The following PCDH11X variants were observed in gnomAD, a reference collection of about 807,000 sequenced individuals.
PCDH11X encodes the protein protocadherin-11 X-linked.
PCDH11X carries 18 observed loss-of-function variants against 53.3 expected under a neutral mutation model. That is an observed-to-expected ratio of 0.34 (90% CI 0.23 to 0.50). The LOEUF is 0.50. PCDH11X is among the 20% of genes least tolerant of loss of function. The probability of loss-of-function intolerance (pLI) is 0.98; values close to 1 mark genes in which losing one functional copy is unlikely to be tolerated. For missense variants in PCDH11X, 570 were observed against 1,032.4 expected (o/e 0.55, Z 6.14); for synonymous variants, 279 against 393.3 (o/e 0.71, Z 3.44).
chrX:92,581,338 A>G (rs1410448643), intron 10 of PCDH11X, among the ~76,000 whole-genome samples: 3 of 111,311 alleles, frequency 2.7e-5, no homozygotes, highest in Non-Finnish European at 5.7e-5. Flanking sequence ...AGCTCCCATA[A>G]TTCCCACATG....
At chrX:92,260,764 A>G (rs745569837) in intron 7 of PCDH11X, among the ~76,000 whole-genome samples, 57 of 111,674 alleles carry the variant, frequency 5.1e-4, no homozygotes, top group African/African-American at 1.8e-3. Context: ...GTCAATCTAG[A>G]AATTTAGATG....
chrX:92,213,123 A>G (rs142626528), intron 7 of PCDH11X, among the ~76,000 whole-genome samples: 1 of 112,050 alleles, frequency 8.9e-6, no homozygotes, highest in Non-Finnish European at 1.9e-5. Context: ...AAGACTAAAT[A>G]TAAAAAAATC....
At chrX:92,525,638 A>AG (rs1156626477) in intron 10 of PCDH11X, among the ~76,000 whole-genome samples, 4 of 107,522 alleles carry the variant, frequency 3.7e-5, no homozygotes, top group Admixed American at 1.0e-4. Flanking sequence ...TCTCAAAAAA[A>AG]AAAAAAAAAA....
rs193127138 is a variant in PCDH11X, at chrX:92,618,249, T to A, written c.3368-15T>A. The A allele has an allele frequency of 1.8e-4, 217 of 1,182,780 alleles. No homozygotes were observed. In the African/African-American group the frequency reaches 3.1e-3, roughly 17 times the overall value. On this transcript the variant is annotated splice_polypyrimidine_tract_variant and intron_variant, in intron 10 of 10. Transcript: ENST00000682573. The stretch of plus-strand genomic sequence containing the variant: ...TGAAATATAAATTTTATTATTTTTT[T>A]CCTCACCCCAACAGCTGCAGAAATA...
chrX:91,970,226 AGAACAAAGCTTCCACCACGT>A (rs1205012853), intron 6 of PCDH11X, among the ~76,000 whole-genome samples: 1 of 111,369 alleles, frequency 9.0e-6, no homozygotes, highest in Non-Finnish European at 1.9e-5. Context: ...ACAGAGTGAA[AGAACAAAGCTTCCACCACGT>A]GGAAGGGGAC....
intron 6 of PCDH11X, among the ~76,000 whole-genome samples, chrX:92,003,524 C>CT (rs1393581239): frequency 1.1e-4 from 9 of 84,375 alleles, no homozygotes; most frequent in East Asian, 4.0e-4. Flanking sequence ...TTTTTTTTTT[C>CT]TTTTTTTTTG....
At chrX:92,559,113 C>T (rs1360599329) in intron 10 of PCDH11X, among the ~76,000 whole-genome samples, 1 of 110,931 alleles carries the variant, frequency 9.0e-6, no homozygotes, top group Non-Finnish European at 1.9e-5. Flanking sequence ...TGTGGGAAGA[C>T]ATTTGGGTAT....
At chrX:92,393,402 A>G (rs1318013968) in intron 9 of PCDH11X, among the ~76,000 whole-genome samples, 1 of 109,899 alleles carries the variant, frequency 9.1e-6, no homozygotes, top group Non-Finnish European at 1.9e-5. Context: ...ATCAATCAAT[A>G]TTTCTAAGGA....
rs767217842 is a variant in PCDH11X at position 92,359,097 on chromosome X, T to G, written c.3145-28638T>G. On this transcript the variant is annotated intron_variant, in intron 8 of 10. Transcript: ENST00000682573. ...ATTTTTTCATCTAATTTCATTTATG[T>G]TTTTTTTTGTGCCAAACTGCCTTTT... Among the ~76,000 whole-genome samples the G allele has an allele frequency of 6.0e-4, 64 of 106,510 alleles. No homozygotes were observed. In the South Asian group the frequency reaches 0.011, roughly 18 times the overall value. The allele number at this position is 106,510 out of a possible 115,157, so 92.5% of individuals were successfully genotyped here.
chrX:92,113,605 T>A (rs1324780228), intron 6 of PCDH11X: 1 of 1,194,570 alleles, frequency 8.4e-7, no homozygotes, highest in African/African-American at 1.9e-5. Flanking sequence ...GGTGAGCCAG[T>A]CCACCTTCCT....
In PCDH11X at chrX:92,622,231, C is replaced by T. The variant is rs781672390; in HGVS notation, c.*3291C>T. 1.5e-3 allele frequency: 152 copies of T among 102,058 alleles called. 2 individuals are homozygous for T. Among genetic ancestry groups the T allele is most frequent in the African/African-American group, 5.3e-3 (148 of 28,088 alleles). 8.4% of individuals were successfully genotyped at this position (102,058 alleles called of 1,213,427 possible). A position where few individuals can be genotyped will look rare whatever the true frequency, so the allele number is the denominator to read the frequency against. ...GCAGTTACAAAGAGCCTCTGCCTTC[C>T]CAAACTAATATTTATCACACATGGT... On this transcript the variant is annotated 3_prime_UTR_variant, in exon 11 of 11. Transcript: ENST00000682573.
intron 8 of PCDH11X, among the ~76,000 whole-genome samples, chrX:92,278,049 G>A: frequency 9.0e-6 from 1 of 110,883 alleles, no homozygotes; most frequent in East Asian, 2.8e-4. Flanking sequence ...GACCAGCGCT[G>A]GAGTTTTGGG....
At chrX:92,469,488 G>A (rs370805161) in intron 10 of PCDH11X, among the ~76,000 whole-genome samples, 1 of 111,440 alleles carries the variant, frequency 9.0e-6, no homozygotes, top group East Asian at 2.8e-4. Flanking sequence ...GATTTCCTGA[G>A]GAGTTTCCCC....
At chrX:92,462,127 T>C (rs1373030795) in intron 9 of PCDH11X, among the ~76,000 whole-genome samples, 4 of 112,114 alleles carry the variant, frequency 3.6e-5, no homozygotes, top group Non-Finnish European at 7.5e-5. Flanking sequence ...ACTTCAATTA[T>C]ATTCTCTCTC....
At chrX:91,981,002 A>AATATATATATACACACTGAAT (rs2062124287) in intron 6 of PCDH11X, among the ~76,000 whole-genome samples, 1 of 98,297 alleles carries the variant, frequency 1.0e-5, no homozygotes, top group African/African-American at 3.7e-5. Flanking sequence ...ATATACACTG[A>AATATATATATACACACTGAAT]ATATATATAT....
intron 6 of PCDH11X, among the ~76,000 whole-genome samples, chrX:91,943,286 G>A (rs1014589649): frequency 8.4e-5 from 9 of 106,798 alleles, no homozygotes; most frequent in African/African-American, 3.1e-4. Context: ...GTCAGTGTAG[G>A]TTCATCAATT....
In PCDH11X at chrX:91,904,709, G is replaced by T. The variant is rs552669471; in HGVS notation, c.3033+25436G>T. Among the ~76,000 whole-genome samples, 135 of 110,243 alleles carry T rather than the reference G, an allele frequency of 1.2e-3. 3 individuals carry two copies. The South Asian group carries it at 0.053, about 43-fold the overall frequency. Reference sequence around the variant, plus strand: ...AATACTCTTCTCAAATAGGATGTTTGATAGCTACATAATATTGCATCACAT... The same window carrying T: ...AATACTCTTCTCAAATAGGATGTTTTATAGCTACATAATATTGCATCACAT... On this transcript the variant is annotated intron_variant, in intron 6 of 10. Transcript: ENST00000682573.
At chrX:92,464,137 C>T (rs2073108439) in intron 9 of PCDH11X, among the ~76,000 whole-genome samples, 1 of 111,686 alleles carries the variant, frequency 9.0e-6, no homozygotes, top group Admixed American at 9.5e-5. Context: ...TGGATAGAAA[C>T]TTTAATATAC....
chrX:92,233,762 A>G (rs1481807504), intron 7 of PCDH11X, among the ~76,000 whole-genome samples: 3 of 112,282 alleles, frequency 2.7e-5, no homozygotes, highest in African/African-American at 9.7e-5. Flanking sequence ...GTGTGCTTCA[A>G]ACTTAACTAA....
Sources: gnomAD v4.1 joint callset for allele counts (sites outside exome capture counted in the v4.1 genomes callset) on GRCh38, gnomAD v4.1.1 for gene constraint, MANE v1.5 for transcripts, NCBI Gene and HGNC (gene_info 2026-07-23, HGNC 2026-07-21) for gene names.